SMG8: variants seen among roughly 807,000 people sequenced by gnomAD.
The protein encoded by SMG8 is SMG8 nonsense mediated mRNA decay factor, also known as nonsense-mediated mRNA decay factor SMG8.
Under a neutral mutation model 82.1 loss-of-function variants are expected in SMG8, and 49 were observed. The observed-to-expected ratio is 0.60, with a 90% CI of 0.47 to 0.76. The LOEUF (loss-of-function observed/expected upper bound fraction) is 0.76. SMG8 is among the 30% of genes least tolerant of loss of function. The pLI is 0.00. For synonymous variants in SMG8, 404 were observed against 430.0 expected (o/e 0.94, Z 0.75); for missense variants, 969 against 1,166.4 (o/e 0.83, Z 2.46).
In SMG8 at chr17:59,212,828, CCTG is replaced by C. The variant is rs1306495254; in HGVS notation, c.2008_2010del (p.Ala670del). On this transcript the variant is annotated inframe_deletion, in exon 3 of 4. Transcript: ENST00000300917. ...TGCTCCTGCTAAAAATGAATCCTCT[CCTG>C]CTCCTCCAGATTCGGATGCTGATAA... is the stretch of plus-strand genomic sequence containing the variant. 6.2e-7 allele frequency: 1 copy of C among 1,614,006 alleles called. No homozygotes were observed. Among genetic ancestry groups the C allele is most frequent in the African/African-American group, 1.3e-5 (1 of 74,916 alleles).
chr17:59,212,399 A>G lies in SMG8; in HGVS notation c.1818A>G (p.Arg606=). 6.2e-7 allele frequency: 1 copy of G among 1,608,846 alleles called. No homozygotes were observed. Among genetic ancestry groups the G allele is most frequent in the Non-Finnish European group, 8.5e-7 (1 of 1,176,006 alleles). ...PPVLYHNSRA[R]STGACNCGRK... ...TGCTATATCACAATAGCCGAGCTCG[A>G]TCTACTGGTGCTTGCAACTGTGGAA... is the stretch of plus-strand genomic sequence containing the variant. Residue 606 remains arginine, a synonymous_variant, in exon 2 of 4, where the codon CGA becomes CGG. Coordinates refer to ENST00000300917, the MANE Select transcript of SMG8 (RefSeq NM_018149.7).
At position 59,211,050 on chromosome 17, in the gene SMG8, A is replaced by G. The variant is rs557896510; in HGVS notation, c.999A>G (p.Gln333=). Residue 333 remains glutamine, a synonymous_variant, in exon 1 of 4, where the codon CAA becomes CAG. Transcript: ENST00000300917. ...INCLFTVPAN[Q]AFVYIVPGSQ... is the part of the protein sequence containing the mutation. ...GCCTCTTTACTGTGCCTGCCAACCA[A>G]GCTTTCGTGTACATAGTACCGGGAA... 1.3e-5 allele frequency: 21 copies of G among 1,614,176 alleles called. No individual in the cohort carries two copies. The Admixed American group carries it at 2.3e-4, about 18-fold the overall frequency.
In SMG8 at chr17:59,212,724, T is replaced by C. The variant is rs1454169894; in HGVS notation, c.1906-5T>C. On this transcript the variant is annotated splice_polypyrimidine_tract_variant and splice_region_variant and intron_variant, in intron 2 of 3. Transcript: ENST00000300917. ...TTACTGGATTTTTTTTCTTACCCTCTATAGCTTCTGGAAGAAAAGTGTTGT... is the reference window on the plus strand; with the variant it reads ...TTACTGGATTTTTTTTCTTACCCTCCATAGCTTCTGGAAGAAAAGTGTTGT... 2 of 1,593,928 alleles carry C rather than the reference T, an allele frequency of 1.3e-6. No individual in the cohort carries two copies. Among genetic ancestry groups the C allele is most frequent in the Admixed American group, 1.8e-5 (1 of 54,188 alleles).
intron 1 of SMG8, 189 bp downstream of exon 1, chr17:59,211,999 T>G (rs2046947861): frequency 1.9e-6 from 1 of 513,118 alleles, no homozygotes; most frequent in Admixed American, 3.8e-5. Flanking sequence ...TTCTTATTTT[T>G]TTTCATTTAA....
chr17:59,210,248 C>G lies in SMG8; in HGVS notation c.197C>G (p.Ser66Cys). The G allele has an allele frequency of 6.2e-7, 1 of 1,612,648 alleles. No individual in the cohort carries two copies. Among genetic ancestry groups the G allele is most frequent in the South Asian group, 1.1e-5 (1 of 90,928 alleles). Residue 66 changes from serine (S) to cysteine (C), a missense_variant, in exon 1 of 4, where the codon TCT (serine) becomes TGT (cysteine). Physicochemically the swap from Ser to Cys is moderately radical, Grantham distance 112. Coordinates refer to ENST00000300917, the MANE Select transcript of SMG8 (RefSeq NM_018149.7). ...CTACGCCTGAATTCCGAGAAGTTCTCTCTTGTGAATACGGTGTGCGACCGA... is the reference window on the plus strand; with the variant it reads ...CTACGCCTGAATTCCGAGAAGTTCTGTCTTGTGAATACGGTGTGCGACCGA... ...TALRLNSEKF[S>C]LVNTVCDRQV...
Position 59,214,788 on chromosome 17 carries a change from C to T in SMG8, c.2779-17C>T, listed in dbSNP as rs1183245584. 1.1e-6 allele frequency: 1 copy of T among 870,554 alleles called. No homozygotes were observed. The highest frequency in any genetic ancestry group is 1.7e-5 in the Admixed American group (1 of 58,664). The allele number at this position is 870,554 out of a possible 1,614,324, so 53.9% of individuals were successfully genotyped here. On this transcript the variant is annotated splice_polypyrimidine_tract_variant and intron_variant, in intron 3 of 3. Transcript: ENST00000300917. ...ATTGAGAAATGTGAAAATAATTATA[C>T]TACCTGTGTTTTTCAGGTTCAGCCA...
At position 59,211,716 on chromosome 17, in the gene SMG8, C is replaced by A. The variant is rs2037648752; in HGVS notation, c.1665C>A (p.Cys555Ter). The A allele has an allele frequency of 5.0e-6, 8 of 1,613,616 alleles. No individual in the cohort carries two copies. Among genetic ancestry groups the A allele is most frequent in the African/African-American group, 1.3e-5 (1 of 74,914 alleles). The change falls in exon 1 of 4, where the codon TGC becomes TGA. Residue 555 changes from cysteine to a stop codon, truncating the protein, a stop_gained. Transcript: ENST00000300917. LOFTEE classifies it high-confidence loss of function. ...ACGCCATGCAGTTACATGAGGACTG[C>A]TACAAATTTTGGAGCAATGGCCATC... ...HKYAMQLHED[C>*]YKFWSNGHQL...
Position 59,210,056 on chromosome 17 carries a change from C to T in SMG8, c.5C>T (p.Ala2Val), listed in dbSNP as rs1597950498. Residue 2 changes from alanine to valine, a missense_variant, in exon 1 of 4, where the codon GCT becomes GTT. Ala to Val is a moderately conservative substitution (Grantham distance 64, BLOSUM62 0). Coordinates refer to ENST00000300917, the MANE Select transcript of SMG8 (RefSeq NM_018149.7). M[A>V]GPVSLRDLLM... ...CTCTAGAGAACGCTCTGCACTATGG[C>T]TGGTCCCGTGAGCTTGCGAGACCTT... The T allele has an allele frequency of 1.3e-6, 2 of 1,555,886 alleles. No individual in the cohort carries two copies. The highest frequency in any genetic ancestry group is 1.7e-6 in the Non-Finnish European group (2 of 1,157,376).
chr17:59,215,140 C>G lies in SMG8; in HGVS notation c.*138C>G, dbSNP rs1277960397. 2 of 583,804 alleles carry G rather than the reference C, an allele frequency of 3.4e-6. No individual in the cohort carries two copies. The highest frequency in any genetic ancestry group is 6.1e-6 in the Non-Finnish European group (2 of 328,950). 36.2% of individuals were successfully genotyped at this position (583,804 alleles called of 1,614,324 possible). On this transcript the variant is annotated 3_prime_UTR_variant, in exon 4 of 4. Coordinates refer to ENST00000300917, the MANE Select transcript of SMG8 (RefSeq NM_018149.7). ...GTTACAGGAGTTCAGTATTTGGAAA[C>G]TAATTTGTTCTACTTTTTCATTATA... is the stretch of plus-strand genomic sequence containing the variant.
At position 59,210,385 on chromosome 17, in the gene SMG8, G is replaced by C; in HGVS notation, c.334G>C (p.Ala112Pro). 1 of 1,610,694 alleles carries C rather than the reference G, an allele frequency of 6.2e-7. No individual in the cohort carries two copies. Among genetic ancestry groups the C allele is most frequent in the African/African-American group, 1.3e-5 (1 of 74,962 alleles). The change falls in exon 1 of 4, where the codon GCC becomes CCC. Residue 112 changes from alanine (A) to proline (P), a missense_variant. By Grantham distance (27) the Ala-to-Pro change is conservative (BLOSUM62 -1). Transcript: ENST00000300917. ...AGGAEDPGAA[A>P]GGSVRGSGAV... is the part of the protein sequence containing the mutation. ...TGGAGCCGAGGACCCTGGGGCTGCA[G>C]CCGGGGGTTCAGTTCGGGGAAGTGG...
chr17:59,210,173 C>G lies in SMG8; in HGVS notation c.122C>G (p.Pro41Arg). The change falls in exon 1 of 4, where the codon CCA becomes CGA. Residue 41 changes from proline (P) to arginine (R), a missense_variant. Coordinates refer to ENST00000300917, the MANE Select transcript of SMG8 (RefSeq NM_018149.7). ...GGSAAGGPEP[P>R]WREDEICVVG... ...AGCGCGGCTGGCGGACCGGAGCCTC[C>G]ATGGCGGGAGGATGAGATCTGCGTT... 2 of 1,593,132 alleles carry G rather than the reference C, an allele frequency of 1.3e-6. No homozygotes were observed. The highest frequency in any genetic ancestry group is 1.7e-6 in the Non-Finnish European group (2 of 1,170,010).
In SMG8 at chr17:59,215,209, G is replaced by C. The variant is rs1466848609; in HGVS notation, c.*207G>C. On this transcript the variant is annotated 3_prime_UTR_variant, in exon 4 of 4. Transcript: ENST00000300917. ...AACGTGACTACAACTTTCTAATAAA[G>C]ATTGGTTGTTCTAGAAAAGAATATA... 4.0e-6 allele frequency: 2 copies of C among 499,582 alleles called. No homozygotes were observed. Among genetic ancestry groups the C allele is most frequent in the Non-Finnish European group, 7.1e-6 (2 of 282,268 alleles). 30.9% of individuals were successfully genotyped at this position (499,582 alleles called of 1,614,324 possible).
chr17:59,214,012 G>T (rs781422713), intron 3 of SMG8, among the ~76,000 whole-genome samples: 2 of 152,204 alleles, frequency 1.3e-5, no homozygotes, highest in Non-Finnish European at 2.9e-5. Flanking sequence ...GCCGGGTACA[G>T]TGAGTCACGC....
chr17:59,213,717 T>C, intron 3 of SMG8, 116 bp downstream of exon 3: 1 of 1,333,524 alleles, frequency 7.5e-7, no homozygotes, highest in Admixed American at 2.5e-5. Context: ...CTGAGGGCAG[T>C]GGCTCATGCT....
At position 59,212,845 on chromosome 17, in the gene SMG8, G is replaced by A. The variant is rs114305481; in HGVS notation, c.2022G>A (p.Ser674=). ...AATCCTCTCCTGCTCCTCCAGATTC[G>A]GATGCTGATAAACTTAAAGAAAAAG... is the stretch of plus-strand genomic sequence containing the variant. ...KNESSPAPPD[S]DADKLKEKEP... Residue 674 remains serine, a synonymous_variant, in exon 3 of 4, where the codon TCG becomes TCA. Transcript: ENST00000300917. 3.8e-4 allele frequency: 610 copies of A among 1,613,940 alleles called. 5 individuals are homozygous for A. The African/African-American group carries it at 7.2e-3, about 19-fold the overall frequency.
rs376282919 is a variant in SMG8, at chr17:59,213,612, T to C, written c.2778+11T>C. 3.2e-5 allele frequency: 50 copies of C among 1,583,504 alleles called. No homozygotes were observed. Among genetic ancestry groups the C allele is most frequent in the Non-Finnish European group, 4.1e-5 (48 of 1,167,758 alleles). ...ATACTAATGCCTCAGGTAAGAAATA[T>C]AACCCTCTGCAGCCCCAAACAAGTA... On this transcript the variant is annotated intron_variant, in intron 3 of 3. Transcript: ENST00000300917.
Position 59,215,028 on chromosome 17 carries a change from T to C in SMG8, c.*26T>C. 1 of 861,956 alleles carries C rather than the reference T, an allele frequency of 1.2e-6. No homozygotes were observed. The highest frequency in any genetic ancestry group is 2.0e-6 in the Non-Finnish European group (1 of 494,086). 53.4% of individuals were successfully genotyped at this position (861,956 alleles called of 1,614,324 possible). A position where few individuals can be genotyped will look rare whatever the true frequency, so the allele number is the denominator to read the frequency against. ...GTGTTTTCCAGCCAGTTCAATCCTA[T>C]ACTTGAGCTGGTTTTTGTTTTTGGT... On this transcript the variant is annotated 3_prime_UTR_variant, in exon 4 of 4. Transcript: ENST00000300917.
Position 59,213,470 on chromosome 17 carries a change from C to T in SMG8, c.2647C>T (p.Leu883=). ...SGPKESALKA[L]NSDMPLYILS... ...GCCAAAGGAATCAGCTTTAAAAGCC[C>T]TAAATAGTGACATGCCCTTATATAT... The change falls in exon 3 of 4, where the codon CTA becomes TTA. Residue 883 remains leucine, a synonymous_variant. Coordinates refer to ENST00000300917, the MANE Select transcript of SMG8 (RefSeq NM_018149.7). 6.2e-7 allele frequency: 1 copy of T among 1,614,090 alleles called. No individual in the cohort carries two copies. Among genetic ancestry groups the T allele is most frequent in the Non-Finnish European group, 8.5e-7 (1 of 1,180,010 alleles).
At position 59,211,120 on chromosome 17, in the gene SMG8, A is replaced by T; in HGVS notation, c.1069A>T (p.Ser357Cys). 6.2e-7 allele frequency: 1 copy of T among 1,614,204 alleles called. No homozygotes were observed. Among genetic ancestry groups the T allele is most frequent in the East Asian group, 2.2e-5 (1 of 44,888 alleles). ...AGGTATGTTGCTGGACCAACTTAGG[A>T]GTCATTGTACTGTGAAGGACCCGGA... ...PVGMLLDQLR[S>C]HCTVKDPESL... Residue 357 changes from serine (S) to cysteine (C), a missense_variant, in exon 1 of 4, where the codon AGT (serine) becomes TGT (cysteine). This residue lies in a region of SMG8 where 662 missense variants were observed against 884.8 expected (regional missense o/e 0.75). Transcript: ENST00000300917.
Sources: allele counts gnomAD v4.1 joint callset (sites outside exome capture counted in the v4.1 genomes callset), GRCh38; gene constraint gnomAD v4.1.1; regional missense constraint gnomAD v4.1.1; transcripts MANE v1.5; gene names NCBI Gene and HGNC (gene_info 2026-07-23, HGNC 2026-07-21).